The following DACH2 variants were observed in gnomAD, a reference collection of about 807,000 sequenced individuals.
DACH2 encodes the protein dachshund homolog 2.
DACH2 carries 17 observed loss-of-function variants against 35.8 expected under a neutral mutation model. The observed-to-expected ratio is 0.48, with a 90% CI of 0.33 to 0.71. The LOEUF (loss-of-function observed/expected upper bound fraction) is 0.71, where lower values mean the gene tolerates loss of function less well. DACH2 is among the 30% of genes least tolerant of loss of function. The pLI, the probability that DACH2 is intolerant of heterozygous loss-of-function variation, is 0.02. For missense variants in DACH2, 469 were observed against 472.7 expected (o/e 0.99, Z 0.07); for synonymous variants, 195 against 177.3 (o/e 1.10, Z -0.79).
chrX:86,587,995 G>A (rs1471472358), intron 3 of DACH2, among the ~76,000 whole-genome samples: 1 of 111,508 alleles, frequency 9.0e-6, no homozygotes, highest in African/African-American at 3.2e-5. Flanking sequence ...GATTTTTATA[G>A]TTTGAGGTCT....
At chrX:86,528,439 A>C in intron 3 of DACH2, among the ~76,000 whole-genome samples, 1 of 111,817 alleles carries the variant, frequency 8.9e-6, no homozygotes, top group Admixed American at 9.5e-5. Flanking sequence ...TTTTGGACTT[A>C]GGGTACTCTG....
At chrX:86,708,562 A>G (rs373983890) in intron 5 of DACH2, among the ~76,000 whole-genome samples, 1 of 103,779 alleles carries the variant, frequency 9.6e-6, no homozygotes, top group Non-Finnish European at 2.0e-5. Flanking sequence ...TCAAAAACTT[A>G]TAAGTGGGAA....
intron 2 of DACH2, among the ~76,000 whole-genome samples, chrX:86,382,680 CCTTT>C (rs2036064573): frequency 9.0e-6 from 1 of 110,706 alleles, no homozygotes; most frequent in African/African-American, 3.3e-5. Context: ...TTCTTAGAGA[CCTTT>C]CTTTCTATAA....
At chrX:86,414,118 T>C (rs2036660543) in intron 2 of DACH2, among the ~76,000 whole-genome samples, 1 of 111,654 alleles carries the variant, frequency 9.0e-6, no homozygotes, top group African/African-American at 3.3e-5. Flanking sequence ...CTCCCTTTCA[T>C]TCAAGGGGTT....
intron 5 of DACH2, among the ~76,000 whole-genome samples, chrX:86,703,422 A>G (rs1041179010): frequency 1.6e-4 from 18 of 111,327 alleles, no homozygotes; most frequent in African/African-American, 5.2e-4. Context: ...CCTAGCCAGA[A>G]CAATCAGGCA....
intron 1 of DACH2, among the ~76,000 whole-genome samples, chrX:86,295,497 G>T: frequency 8.9e-6 from 1 of 111,796 alleles, no homozygotes; most frequent in Non-Finnish European, 1.9e-5. Flanking sequence ...TTGCTCAGGA[G>T]TTGTGATCCT....
At chrX:86,547,538 C>T (rs2038992843) in intron 3 of DACH2, among the ~76,000 whole-genome samples, 1 of 107,694 alleles carries the variant, frequency 9.3e-6, no homozygotes, top group Non-Finnish European at 1.9e-5. Context: ...CACACACACA[C>T]ACACACACAC....
At position 86,827,416 on chromosome X, in the gene DACH2, A is replaced by G. The variant is rs766190977; in HGVS notation, c.1751-4690A>G. ...AGAAGAACATGCACAAGGGGCTCAT[A>G]AGCATATTTTAGAGTTAGGGAATAT... is the stretch of plus-strand genomic sequence containing the variant. On this transcript the variant is annotated intron_variant, in intron 11 of 11. Transcript: ENST00000373125. Among the ~76,000 whole-genome samples the G allele has an allele frequency of 6.3e-5, 7 of 111,596 alleles. No homozygotes were observed. In the South Asian group the frequency reaches 2.6e-3, roughly 41 times the overall value.
At chrX:86,168,671 T>C (rs758376084) in intron 1 of DACH2, among the ~76,000 whole-genome samples, 77 of 110,430 alleles carry the variant, frequency 7.0e-4, no homozygotes, top group Non-Finnish European at 1.3e-3. Flanking sequence ...GTGTCTCTTT[T>C]GCATGTCTTT....
chrX:86,720,810 G>T (rs776988172), intron 6 of DACH2, among the ~76,000 whole-genome samples: 1 of 112,814 alleles, frequency 8.9e-6, no homozygotes, highest in East Asian at 2.8e-4. Flanking sequence ...CCTAGCAGAA[G>T]TTCTCCTTTT....
intron 2 of DACH2, among the ~76,000 whole-genome samples, chrX:86,461,506 C>T (rs1343435910): frequency 9.0e-6 from 1 of 110,664 alleles, no homozygotes; most frequent in Non-Finnish European, 1.9e-5. Flanking sequence ...TTACTTATGG[C>T]TAGAAAAGCT....
chrX:86,710,146 A>G (rs1334336794), intron 5 of DACH2, among the ~76,000 whole-genome samples: 1 of 112,500 alleles, frequency 8.9e-6, no homozygotes, highest in East Asian at 2.8e-4. Flanking sequence ...GCATAAAACA[A>G]CTGTGGTATA....
rs992635154 is a variant in DACH2, at chrX:86,773,426, G to A, written c.1240+33544G>A. ...AATTCTGACAGAATGAAGTGTTGAA[G>A]ACTATTTTATATATAATGCATATAC... On this transcript the variant is annotated intron_variant, in intron 7 of 11. Transcript: ENST00000373125. Among the ~76,000 whole-genome samples, 11 of 111,774 alleles carry A rather than the reference G, an allele frequency of 9.8e-5. No individual in the cohort carries two copies. In the Admixed American group the frequency reaches 1.0e-3, roughly 11 times the overall value.
chrX:86,434,493 A>C (rs1457826634), intron 2 of DACH2, among the ~76,000 whole-genome samples: 1 of 112,065 alleles, frequency 8.9e-6, no homozygotes, highest in Non-Finnish European at 1.9e-5. Flanking sequence ...TTATCATGGT[A>C]TATTCACTTA....
intron 1 of DACH2, among the ~76,000 whole-genome samples, chrX:86,326,123 T>C (rs968557274): frequency 9.0e-6 from 1 of 111,606 alleles, no homozygotes; most frequent in African/African-American, 3.3e-5. Flanking sequence ...TTATACAGAA[T>C]ACAATGCAAA....
intron 2 of DACH2, among the ~76,000 whole-genome samples, chrX:86,466,378 C>T (rs5923532): frequency 0.44 from 47,502 of 108,665 alleles, 8,253 homozygotes; most frequent in Admixed American, 0.6. Flanking sequence ...TTGGGTCCCT[C>T]CCACAACATG....
chrX:86,664,090 T>C (rs1428456377), intron 4 of DACH2, among the ~76,000 whole-genome samples: 2 of 111,736 alleles, frequency 1.8e-5, no homozygotes, highest in Non-Finnish European at 3.8e-5. Context: ...CAAATGCTAT[T>C]CCCTTCTTAC....
chrX:86,578,556 T>C (rs756579098), intron 3 of DACH2, among the ~76,000 whole-genome samples: 1 of 111,822 alleles, frequency 8.9e-6, no homozygotes, highest in East Asian at 2.8e-4. Flanking sequence ...CTGGCTTCCT[T>C]ATTTAGCTAT....
intron 4 of DACH2, among the ~76,000 whole-genome samples, chrX:86,662,108 C>A (rs2040611094): frequency 8.9e-6 from 1 of 111,778 alleles, no homozygotes; most frequent in African/African-American, 3.3e-5. Context: ...ATAAATTATG[C>A]CACATAGGGG....
Sources: allele counts gnomAD v4.1 joint callset (sites outside exome capture counted in the v4.1 genomes callset), GRCh38; gene constraint gnomAD v4.1.1; transcripts MANE v1.5; gene names NCBI Gene and HGNC (gene_info 2026-07-23, HGNC 2026-07-21).